ABCC11: variants seen among roughly 807,000 people sequenced by gnomAD.
ABCC11 encodes the protein ATP binding cassette subfamily C member 11.
ABCC11 carries 135 observed loss-of-function variants against 149.3 expected under a neutral mutation model. The ratio of observed to expected loss-of-function variants is 0.90; its 90% CI spans 0.79 to 1.04. The LOEUF is 1.04. ABCC11 is among the 50% of genes least tolerant of loss of function. The pLI is 0.00. For missense variants in ABCC11, 1,680 were observed against 1,722.1 expected, an observed-to-expected ratio of 0.98 and a Z score of 0.43; for synonymous variants, 665 against 671.4, an observed-to-expected ratio of 0.99 and a Z score of 0.15.
rs141474869 is a variant in ABCC11, at chr16:48,245,944, C to T, written c.-19+1370G>A. ...GTTGTGTTTTCAGTTTAGAGCTTCTCCTTTCCTGGCAGTTATCCCTTATTT... is the reference window on the plus strand; with the variant it reads ...GTTGTGTTTTCAGTTTAGAGCTTCTTCTTTCCTGGCAGTTATCCCTTATTT... On this transcript the variant is annotated intron_variant, in intron 1 of 29. Transcript: ENST00000356608. Among the ~76,000 whole-genome samples the T allele has an allele frequency of 6.8e-3, 1,035 of 152,228 alleles. 13 individuals carry two copies. The highest frequency in any genetic ancestry group is 0.024 in the African/African-American group (983 of 41,544).
rs1181941799 is a variant in ABCC11, at chr16:48,203,282, G to A, written c.1824C>T (p.His608=). Residue 608 remains histidine (H), a synonymous_variant, in exon 14 of 30, where the codon CAC becomes CAT. Coordinates refer to ENST00000356608, the MANE Select transcript of ABCC11 (RefSeq NM_001370497.1). The part of the protein sequence containing the change: ...YDKARYLQVL[H]CCSLNRDLEL... ...CCAGGTCCCGATTCAGGGAGCAGCA[G>A]TGGAGCACCTGGAGGTATCTGTGAA... 11 of 1,582,522 alleles carry A rather than the reference G, an allele frequency of 7.0e-6. No individual in the cohort carries two copies. Among genetic ancestry groups the A allele is most frequent in the Non-Finnish European group, 2.6e-6 (3 of 1,163,416 alleles).
chr16:48,189,405 G>T (rs1966852304), intron 20 of ABCC11, among the ~76,000 whole-genome samples: 2 of 152,092 alleles, frequency 1.3e-5, no homozygotes, highest in Admixed American at 1.3e-4. Flanking sequence ...ATGATCTGGG[G>T]TTGTTCTTGT....
intron 25 of ABCC11, among the ~76,000 whole-genome samples, chr16:48,175,830 G>C (rs923705064): frequency 6.6e-6 from 1 of 150,832 alleles, no homozygotes; most frequent in Non-Finnish European, 1.5e-5. Context: ...CTGGAGCTGA[G>C]CGCAGCCACT....
intron 1 of ABCC11, among the ~76,000 whole-genome samples, chr16:48,243,256 C>T (rs1012797167): frequency 6.6e-6 from 1 of 151,650 alleles, no homozygotes; most frequent in Admixed American, 6.6e-5. Flanking sequence ...AAAAAATTAG[C>T]CGGGCGTGGT....
At chr16:48,165,063 G>C (rs1322661946), downstream of ABCC11, 1 of 152,066 alleles carries the variant, frequency 6.6e-6, no homozygotes, top group South Asian at 2.1e-4. Flanking sequence ...TCTGCTGGTC[G>C]CTCAAGGAAA....
At chr16:48,191,731 A>G (rs1433417566) in intron 20 of ABCC11, among the ~76,000 whole-genome samples, 2 of 152,168 alleles carry the variant, frequency 1.3e-5, no homozygotes, top group Non-Finnish European at 2.9e-5. Context: ...TTGCAAGGAC[A>G]AAAAACCAAA....
At chr16:48,243,859 G>A (rs1427424795) in intron 1 of ABCC11, among the ~76,000 whole-genome samples, 5 of 151,878 alleles carry the variant, frequency 3.3e-5, no homozygotes, top group African/African-American at 4.8e-5. Flanking sequence ...GGGTGTGGTG[G>A]CGGGCATCTG....
chr16:48,231,614 T>C (rs1017340979), intron 2 of ABCC11, among the ~76,000 whole-genome samples: 2 of 150,480 alleles, frequency 1.3e-5, no homozygotes, highest in Non-Finnish European at 2.9e-5. Flanking sequence ...TGAGCTATGA[T>C]TGTGCCACTG....
intron 25 of ABCC11, 48 bp from the exon 26 acceptor site, chr16:48,175,465 A>G: frequency 1.3e-6 from 2 of 1,573,482 alleles, no homozygotes; most frequent in African/African-American, 1.3e-5. Flanking sequence ...CATCTGCACT[A>G]GCGGAAGCAC....
intron 11 of ABCC11, among the ~76,000 whole-genome samples, chr16:48,208,752 C>G (rs879879361): frequency 4.6e-5 from 7 of 152,060 alleles, no homozygotes; most frequent in Non-Finnish European, 7.4e-5. Context: ...TGGCAAGAAC[C>G]CTGAATTCCA....
At chr16:48,170,256 C>A (rs776997583) in intron 27 of ABCC11, 38 bp from the exon 28 acceptor site, 1 of 1,559,236 alleles carries the variant, frequency 6.4e-7, no homozygotes, top group Non-Finnish European at 8.8e-7. Flanking sequence ...AACCTGGAAG[C>A]CACTGTGGGG....
chr16:48,169,394 A>G (rs1290345033), intron 28 of ABCC11, among the ~76,000 whole-genome samples: 1 of 152,132 alleles, frequency 6.6e-6, no homozygotes, highest in Non-Finnish European at 1.5e-5. Context: ...ATTTTTGTAG[A>G]AGGTGTAAGG....
chr16:48,204,076 T>A (rs917597050), intron 13 of ABCC11, among the ~76,000 whole-genome samples: 1 of 152,240 alleles, frequency 6.6e-6, no homozygotes, highest in African/African-American at 2.4e-5. Context: ...TTTGCTCCTG[T>A]GAGCAATGCA....
chr16:48,181,174 A>AT (rs1753984419), intron 23 of ABCC11, among the ~76,000 whole-genome samples: 1 of 152,140 alleles, frequency 6.6e-6, no homozygotes, highest in African/African-American at 2.4e-5. Flanking sequence ...GGCCTTAGTG[A>AT]TTCCGAATCC....
chr16:48,170,036 G>A, intron 28 of ABCC11, 69 bp downstream of exon 28: 1 of 1,246,432 alleles, frequency 8.0e-7, no homozygotes, highest in Non-Finnish European at 1.2e-6. Flanking sequence ...GGGAGAGGGA[G>A]CCGGTGTGGC....
At chr16:48,230,937 C>G (rs1443584283) in intron 2 of ABCC11, among the ~76,000 whole-genome samples, 1 of 152,048 alleles carries the variant, frequency 6.6e-6, no homozygotes, top group Non-Finnish European at 1.5e-5. Flanking sequence ...AAAAGCAAAT[C>G]CTAAAATATT....
chr16:48,213,487 C>T lies in ABCC11; in HGVS notation c.1312G>A (p.Val438Ile), dbSNP rs1969091121. The T allele has an allele frequency of 1.9e-6, 3 of 1,612,374 alleles. No homozygotes were observed. Among genetic ancestry groups the T allele is most frequent in the South Asian group, 1.1e-5 (1 of 90,648 alleles). Residue 438 changes from valine (V) to isoleucine (I), a missense_variant, in exon 10 of 30, where the codon GTC (valine) becomes ATC (isoleucine). Transcript: ENST00000356608. ...GACTTGGAATTCGTGAGACCTTTGA[C>T]TGCAATAGGCACAAAGAACACTGAC... ...RLSVFFVPIAVKGLTNSKSAV... is the reference protein window; with the variant it reads ...RLSVFFVPIAIKGLTNSKSAV...
rs1968364805 is a variant in ABCC11, at chr16:48,205,548, A to G, written c.1681-11T>C. The stretch of plus-strand genomic sequence containing the variant: ...CTCGAGCAAGTGCATCTGCGGCAGA[A>G]TGAGTCCAGCCTCAGGACCAATTGG... On this transcript the variant is annotated splice_polypyrimidine_tract_variant and intron_variant, in intron 12 of 29. Transcript: ENST00000356608. 6.2e-7 allele frequency: 1 copy of G among 1,613,380 alleles called. No individual in the cohort carries two copies. The highest frequency in any genetic ancestry group is 8.5e-7 in the Non-Finnish European group (1 of 1,179,756).
chr16:48,168,565 T>G (rs1272446878), intron 28 of ABCC11, among the ~76,000 whole-genome samples: 3 of 152,232 alleles, frequency 2.0e-5, no homozygotes, highest in African/African-American at 7.2e-5. Flanking sequence ...TGTGTGTACA[T>G]GTGTGTCTTG....
Sources: gnomAD v4.1 joint callset for allele counts (sites outside exome capture counted in the v4.1 genomes callset) on GRCh38, gnomAD v4.1.1 for gene constraint, MANE v1.5 for transcripts, NCBI Gene and HGNC (gene_info 2026-07-23, HGNC 2026-07-21) for gene names.